The following ANKMY2 variants were observed in gnomAD, a reference collection of about 807,000 sequenced individuals.
ANKMY2 encodes ankyrin repeat and MYND domain containing 2.
A neutral mutation model predicts 50.4 loss-of-function variants in ANKMY2; 36 were observed. The observed-to-expected ratio is 0.71, with a 90% CI of 0.55 to 0.94. The LOEUF is 0.94. Ranked by LOEUF, ANKMY2 falls within the 40% of genes least tolerant of loss-of-function variation. ANKMY2 has a pLI of 0.00. For missense variants in ANKMY2, 565 were observed against 524.0 expected (o/e 1.08, Z -0.76); for synonymous variants, 187 against 178.8 (o/e 1.05, Z -0.36).
intron 1 of ANKMY2, chr7:16,644,554 G>A (rs1781791270): frequency 8.4e-6 from 3 of 355,722 alleles, no homozygotes; most frequent in South Asian, 6.0e-5. Context: ...TGGCATCTCT[G>A]CCATTCGAGG....
intron 4 of ANKMY2, among the ~76,000 whole-genome samples, chr7:16,621,559 A>G (rs1781435682): frequency 6.6e-6 from 1 of 152,232 alleles, no homozygotes; most frequent in Non-Finnish European, 1.5e-5. Flanking sequence ...TGTACCAAAA[A>G]AATCATAAAA....
chr7:16,617,777 G>A (rs1475502166), intron 4 of ANKMY2, among the ~76,000 whole-genome samples: 1 of 152,056 alleles, frequency 6.6e-6, no homozygotes, highest in Non-Finnish European at 1.5e-5. Flanking sequence ...ACCAGCCTGG[G>A]TAACACAGCA....
chr7:16,631,560 T>C (rs942725340), intron 2 of ANKMY2, among the ~76,000 whole-genome samples: 1 of 152,158 alleles, frequency 6.6e-6, no homozygotes, highest in Non-Finnish European at 1.5e-5. Context: ...TAAAAATATT[T>C]ATACAAATTT....
intron 4 of ANKMY2, 35 bp downstream of exon 4, chr7:16,624,948 G>T (rs527867793): frequency 6.4e-7 from 1 of 1,573,892 alleles, no homozygotes; most frequent in South Asian, 1.1e-5. Flanking sequence ...GAAATTTTGG[G>T]TATAATCTAA....
At chr7:16,606,625 A>G (rs1299178085) in intron 7 of ANKMY2, among the ~76,000 whole-genome samples, 3 of 151,948 alleles carry the variant, frequency 2.0e-5, no homozygotes, top group East Asian at 1.9e-4. Context: ...TTTTCATTTG[A>G]GTATTTGCTT....
chr7:16,624,903 C>T, intron 4 of ANKMY2, 80 bp downstream of exon 4: 1 of 1,199,740 alleles, frequency 8.3e-7, no homozygotes, highest in South Asian at 1.3e-5. Context: ...AATATTTTCA[C>T]CATGAGAAGC....
At chr7:16,640,727 G>A (rs1057298937) in intron 1 of ANKMY2, among the ~76,000 whole-genome samples, 2 of 151,910 alleles carry the variant, frequency 1.3e-5, no homozygotes, top group Admixed American at 6.6e-5. Flanking sequence ...TCACTATATT[G>A]AGACCCAGGC....
chr7:16,605,486 A>T (rs578213416), intron 7 of ANKMY2, among the ~76,000 whole-genome samples: 6 of 151,932 alleles, frequency 3.9e-5, no homozygotes, highest in Non-Finnish European at 8.8e-5. Context: ...TAGGTTAAAA[A>T]ATATTTATAA....
intron 2 of ANKMY2, among the ~76,000 whole-genome samples, chr7:16,632,138 T>C (rs1781596410): frequency 6.7e-6 from 1 of 149,560 alleles, no homozygotes. Context: ...CCTTCCTTCC[T>C]CCTTACTGTT....
At chr7:16,618,244 G>A (rs1281982171) in intron 4 of ANKMY2, among the ~76,000 whole-genome samples, 1 of 152,030 alleles carries the variant, frequency 6.6e-6, no homozygotes, top group African/African-American at 2.4e-5. Context: ...AGTGAGTTTT[G>A]ATCACACCAC....
rs191804437 is a variant in ANKMY2, at chr7:16,603,290, A to T, written c.1012-781T>A. 4.1e-4 allele frequency among the ~76,000 whole-genome samples: 63 copies of T among 152,302 alleles called. No homozygotes were observed. In the East Asian group the frequency reaches 0.012, roughly 29 times the overall value. Reference sequence around the variant, plus strand: ...GGGAGAGAGGCAGGCACCTAAATACATAATTTCTTAACACAGTACAGGATG... The same window carrying T: ...GGGAGAGAGGCAGGCACCTAAATACTTAATTTCTTAACACAGTACAGGATG... On this transcript the variant is annotated intron_variant, in intron 8 of 9. Transcript: ENST00000306999.
Position 16,645,704 on chromosome 7 carries a change from C to T in ANKMY2, c.-131G>A, listed in dbSNP as rs28362561. The stretch of plus-strand genomic sequence containing the variant: ...GACACTGAGTAGCCAACCGCGGAAA[C>T]GCTTCGCTTCTCTCCTCCCTCCCGC... On this transcript the variant is annotated 5_prime_UTR_variant, in exon 1 of 10. Coordinates refer to ENST00000306999, the MANE Select transcript of ANKMY2 (RefSeq NM_020319.3). 3 of 990,950 alleles carry T rather than the reference C, an allele frequency of 3.0e-6. No homozygotes were observed. Among genetic ancestry groups the T allele is most frequent in the Non-Finnish European group, 4.3e-6 (3 of 700,246 alleles). The allele number at this position is 990,950 out of a possible 1,614,324, so 61.4% of individuals were successfully genotyped here.
At chr7:16,601,636 C>T (rs1524750) in intron 9 of ANKMY2, among the ~76,000 whole-genome samples, 29,728 of 152,146 alleles carry the variant, frequency 0.2, 3,179 homozygotes, top group East Asian at 0.49. Flanking sequence ...AGTAGTAAAG[C>T]GGATATGGTT....
intron 4 of ANKMY2, among the ~76,000 whole-genome samples, chr7:16,623,811 C>G (rs1037557058): frequency 1.3e-5 from 2 of 152,112 alleles, no homozygotes; most frequent in Non-Finnish European, 2.9e-5. Flanking sequence ...TTCTCAAGTC[C>G]TTTTGAAATG....
chr7:16,645,364 G>C, intron 1 of ANKMY2, 143 bp downstream of exon 1: 1 of 800,758 alleles, frequency 1.2e-6, no homozygotes, highest in East Asian at 3.0e-5. Flanking sequence ...CCAGACCAAA[G>C]GGAGAAACGC....
chr7:16,604,342 A>G (rs1306798603), intron 8 of ANKMY2, among the ~76,000 whole-genome samples: 1 of 152,262 alleles, frequency 6.6e-6, no homozygotes, highest in Admixed American at 6.5e-5. Context: ...TAAAGTCAAC[A>G]TCAGAAGAGT....
Position 16,600,485 on chromosome 7 carries a change from T to C in ANKMY2, c.*276A>G. On this transcript the variant is annotated 3_prime_UTR_variant, in exon 10 of 10. Coordinates refer to ENST00000306999, the MANE Select transcript of ANKMY2 (RefSeq NM_020319.3). ...GGGATCTATTTTCCTTTGAAACAAT[T>C]GCTGGAAAGCCAGCCTCAGAAAGGT... The C allele has an allele frequency of 3.8e-6, 1 of 262,146 alleles. No homozygotes were observed. The highest frequency in any genetic ancestry group is 7.1e-6 in the Non-Finnish European group (1 of 140,184). The allele number at this position is 262,146 out of a possible 1,614,324, so 16.2% of individuals were successfully genotyped here.
chr7:16,600,000 G>A lies in ANKMY2; in HGVS notation c.*761C>T, dbSNP rs1020816366. 11 of 152,230 alleles carry A rather than the reference G, an allele frequency of 7.2e-5. No individual in the cohort carries two copies. Among genetic ancestry groups the A allele is most frequent in the African/African-American group, 2.4e-4 (10 of 41,452 alleles). 9.4% of individuals were successfully genotyped at this position (152,230 alleles called of 1,614,324 possible). On this transcript the variant is annotated 3_prime_UTR_variant, in exon 10 of 10. Coordinates refer to ENST00000306999, the MANE Select transcript of ANKMY2 (RefSeq NM_020319.3). ...CAGGCTTTCAGGTGGAGTATGGCAC[G>A]TGAATTAGCCTTACAGTAATTGTGT... is the stretch of plus-strand genomic sequence containing the variant.
chr7:16,629,117 C>T (rs774585216), intron 2 of ANKMY2, among the ~76,000 whole-genome samples: 3 of 152,158 alleles, frequency 2.0e-5, no homozygotes, highest in East Asian at 1.9e-4. Flanking sequence ...TACTCCCTTT[C>T]GTCTCATTTA....
Sources: allele counts gnomAD v4.1 joint callset (sites outside exome capture counted in the v4.1 genomes callset), GRCh38; gene constraint gnomAD v4.1.1; transcripts MANE v1.5; gene names NCBI Gene and HGNC (gene_info 2026-07-23, HGNC 2026-07-21).